The following NUMB variants were observed in gnomAD, a reference collection of about 807,000 sequenced individuals.
The protein encoded by NUMB is NUMB endocytic adaptor protein.
Under a neutral mutation model 59.7 loss-of-function variants are expected in NUMB, and 29 were observed. The observed-to-expected ratio is 0.49, with a 90% confidence interval of 0.36 to 0.66. NUMB has a LOEUF of 0.66. Ranked by LOEUF, NUMB falls within the 30% of genes least tolerant of loss-of-function variation. NUMB has a pLI of 0.00. For missense variants in NUMB, 723 were observed against 822.0 expected (o/e 0.88, Z 1.47); for synonymous variants, 288 against 288.2 (o/e 1.00, Z 0.01).
intron 6 of NUMB, chr14:73,297,555 A>G: frequency 3.6e-6 from 1 of 277,742 alleles, no homozygotes; most frequent in Non-Finnish European, 6.7e-6. Context: ...AATAAAAACC[A>G]AGATATCACA....
intron 8 of NUMB, among the ~76,000 whole-genome samples, chr14:73,288,396 C>A (rs540890401): frequency 2.0e-5 from 3 of 151,754 alleles, no homozygotes; most frequent in African/African-American, 7.3e-5. Flanking sequence ...ACTAAAAATA[C>A]AAAAATTAGC....
chr14:73,302,103 A>C (rs942935724), intron 6 of NUMB, among the ~76,000 whole-genome samples: 2 of 152,074 alleles, frequency 1.3e-5, no homozygotes, highest in Non-Finnish European at 2.9e-5. Context: ...AAAAATAAAA[A>C]AAATTGTGCT....
intron 2 of NUMB, among the ~76,000 whole-genome samples, chr14:73,371,804 G>T (rs1894687259): frequency 6.6e-6 from 1 of 152,038 alleles, no homozygotes; most frequent in South Asian, 2.1e-4. Flanking sequence ...CTCTTCTCCG[G>T]AACAGACAAC....
At chr14:73,403,956 G>A (rs1238436930) in intron 2 of NUMB, among the ~76,000 whole-genome samples, 1 of 152,044 alleles carries the variant, frequency 6.6e-6, no homozygotes, top group Non-Finnish European at 1.5e-5. Flanking sequence ...AGCCAGGCAT[G>A]GTGGCGCGGC....
Position 73,352,455 on chromosome 14 carries a change from C to T in NUMB, c.126+3171G>A, listed in dbSNP as rs61353552. ...ATATACACACACACACACACACACA[C>T]ACATACACACACACACACACACATA... is the stretch of plus-strand genomic sequence containing the variant. On this transcript the variant is annotated intron_variant, in intron 4 of 12. Coordinates refer to ENST00000555238, the MANE Select transcript of NUMB (RefSeq NM_001005743.2). Among the ~76,000 whole-genome samples, 58 of 20,186 alleles carry T rather than the reference C, an allele frequency of 2.9e-3. 1 individual carries two copies. The highest frequency in any genetic ancestry group is 0.012 in the African/African-American group (28 of 2,368). The allele number at this position is 20,186 out of a possible 152,430, so 13.2% of individuals were successfully genotyped here.
intron 1 of NUMB, among the ~76,000 whole-genome samples, chr14:73,418,765 C>A (rs1206543669): frequency 1.3e-5 from 2 of 151,254 alleles, no homozygotes; most frequent in Non-Finnish European, 2.9e-5. Context: ...GAGCAAAACT[C>A]TGTCTCGAAA....
At chr14:73,446,199 G>A (rs1883492406) in intron 1 of NUMB, among the ~76,000 whole-genome samples, 1 of 152,006 alleles carries the variant, frequency 6.6e-6, no homozygotes, top group Non-Finnish European at 1.5e-5. Flanking sequence ...GTTTCACTGT[G>A]TTGGCCAGGC....
At chr14:73,388,182 T>C (rs1389614022) in intron 2 of NUMB, among the ~76,000 whole-genome samples, 2 of 152,156 alleles carry the variant, frequency 1.3e-5, no homozygotes, top group Non-Finnish European at 2.9e-5. Flanking sequence ...GGCTACCATA[T>C]TGGATAGCAT....
At chr14:73,316,611 AAC>A (rs1891098194) in intron 5 of NUMB, among the ~76,000 whole-genome samples, 189 bp from the exon 6 acceptor site, 1 of 152,212 alleles carries the variant, frequency 6.6e-6, no homozygotes. Context: ...AATGCAGGGA[AAC>A]ACACTGTATA....
intron 8 of NUMB, among the ~76,000 whole-genome samples, chr14:73,289,499 T>C (rs1889243785): frequency 6.6e-6 from 1 of 152,200 alleles, no homozygotes; most frequent in Non-Finnish European, 1.5e-5. Context: ...AAGTCTTTTG[T>C]GGTGTTCTCA....
chr14:73,275,789 T>C lies in NUMB; in HGVS notation c.*789A>G, dbSNP rs1442215764. 2.0e-5 allele frequency: 3 copies of C among 152,644 alleles called. No individual in the cohort carries two copies. Among genetic ancestry groups the C allele is most frequent in the Admixed American group, 2.0e-4 (3 of 15,272 alleles). The allele number at this position is 152,644 out of a possible 1,614,324, so 9.5% of individuals were successfully genotyped here. A position where few individuals can be genotyped will look rare whatever the true frequency, so the allele number is the denominator to read the frequency against. ...CAATGTGCTACTTACAATGAATGAC[T>C]GACAGAAAACAAGCTAGGGATCCTG... On this transcript the variant is annotated 3_prime_UTR_variant, in exon 13 of 13. Transcript: ENST00000555238.
chr14:73,406,823 T>C (rs966745371), intron 2 of NUMB, among the ~76,000 whole-genome samples: 6 of 152,148 alleles, frequency 3.9e-5, no homozygotes, highest in Non-Finnish European at 8.8e-5. Context: ...GTGGTTTTGA[T>C]TTGCATTTCT....
chr14:73,420,799 C>T (rs61985846), intron 1 of NUMB, among the ~76,000 whole-genome samples: 23,816 of 152,052 alleles, frequency 0.16, 2,688 homozygotes, highest in Non-Finnish European at 0.23. Flanking sequence ...TGGAAATAGA[C>T]ACTTGCACCT....
chr14:73,349,695 C>T lies in NUMB; in HGVS notation c.126+5931G>A, dbSNP rs555025355. Among the ~76,000 whole-genome samples the T allele has an allele frequency of 1.9e-3, 294 of 151,910 alleles. 2 individuals carry two copies. Among genetic ancestry groups the T allele is most frequent in the African/African-American group, 2.4e-3 (99 of 41,426 alleles). ...GAGATCAAGACCATCCTGGCTAACA[C>T]GGTGAAACCCCGTCTCTACTATAAA... is the stretch of plus-strand genomic sequence containing the variant. On this transcript the variant is annotated intron_variant, in intron 4 of 12. Coordinates refer to ENST00000555238, the MANE Select transcript of NUMB (RefSeq NM_001005743.2).
intron 5 of NUMB, among the ~76,000 whole-genome samples, chr14:73,321,743 T>C (rs1045093332): frequency 2.0e-5 from 3 of 152,210 alleles, no homozygotes; most frequent in Non-Finnish European, 4.4e-5. Flanking sequence ...CAGATAAGAC[T>C]AGCAAAGGCT....
chr14:73,330,362 T>C (rs1293696562), intron 4 of NUMB, among the ~76,000 whole-genome samples: 1 of 152,170 alleles, frequency 6.6e-6, no homozygotes, highest in Non-Finnish European at 1.5e-5. Flanking sequence ...TCCTCTTCAC[T>C]TGACTTTCAA....
At chr14:73,352,934 T>C (rs1217403644) in intron 4 of NUMB, among the ~76,000 whole-genome samples, 1 of 151,480 alleles carries the variant, frequency 6.6e-6, no homozygotes, top group East Asian at 1.9e-4. Context: ...ACTATGTCTT[T>C]TTTGCTTACC....
In NUMB at chr14:73,301,656, G is replaced by C. The variant is rs569350063; in HGVS notation, c.235-4371C>G. 2.0e-5 allele frequency among the ~76,000 whole-genome samples: 3 copies of C among 152,094 alleles called. No individual in the cohort carries two copies. In the South Asian group the frequency reaches 6.2e-4, roughly 32 times the overall value. On this transcript the variant is annotated intron_variant, in intron 6 of 12. Coordinates refer to ENST00000555238, the MANE Select transcript of NUMB (RefSeq NM_001005743.2). The stretch of plus-strand genomic sequence containing the variant: ...GGGTCTTGCCCTGCTGCCTAGGCTG[G>C]AGCACAGTGACATAATCATAATTCA...
chr14:73,456,291 T>TA (rs1348273696), intron 1 of NUMB, among the ~76,000 whole-genome samples: 1 of 151,800 alleles, frequency 6.6e-6, no homozygotes, highest in Non-Finnish European at 1.5e-5. Context: ...GTATTTTTTT[T>TA]AAAGATGGGG....
Sources: gnomAD v4.1 joint callset for allele counts (sites outside exome capture counted in the v4.1 genomes callset) on GRCh38, gnomAD v4.1.1 for gene constraint, MANE v1.5 for transcripts, NCBI Gene and HGNC (gene_info 2026-07-23, HGNC 2026-07-21) for gene names.